CAMK2D: variants seen among roughly 807,000 people sequenced by gnomAD.
CAMK2D encodes the protein calcium/calmodulin-dependent protein kinase type II subunit delta.
A neutral mutation model predicts 84.0 loss-of-function variants in CAMK2D; 37 were observed. The ratio of observed to expected loss-of-function variants is 0.44; its 90% CI spans 0.34 to 0.58. The LOEUF is 0.58. CAMK2D is among the 20% of genes least tolerant of loss of function. The pLI is 0.02. For synonymous variants in CAMK2D, 202 were observed against 212.5 expected, an observed-to-expected ratio of 0.95 and a Z score of 0.43; for missense variants, 448 against 652.5, an observed-to-expected ratio of 0.69 and a Z score of 3.41.
At chr4:113,695,275 T>G (rs2099399319) in intron 2 of CAMK2D, among the ~76,000 whole-genome samples, 1 of 148,390 alleles carries the variant, frequency 6.7e-6, no homozygotes, top group Non-Finnish European at 1.5e-5. Flanking sequence ...CAGAAGAAAT[T>G]TTGAAATAAT....
At chr4:113,593,299 TAGA>T (rs1182543003) in intron 4 of CAMK2D, among the ~76,000 whole-genome samples, 1 of 152,296 alleles carries the variant, frequency 6.6e-6, no homozygotes, top group East Asian at 1.9e-4. Context: ...AGATCTGCCA[TAGA>T]AGTGAGTTTA....
In CAMK2D at chr4:113,508,126, G is replaced by A. The variant is rs568986199; in HGVS notation, c.984+1512C>T. On this transcript the variant is annotated intron_variant, in intron 13 of 20. Transcript: ENST00000511664. ...TTTGATAGTTGACTAACACTGACCTGTAATGGTCCTACACCCTCTCCACTT... is the reference window on the plus strand; with the variant it reads ...TTTGATAGTTGACTAACACTGACCTATAATGGTCCTACACCCTCTCCACTT... 6.0e-4 allele frequency: 449 copies of A among 753,440 alleles called. 2 individuals carry two copies. The South Asian group carries it at 6.1e-3, about 10-fold the overall frequency. The allele number at this position is 753,440 out of a possible 1,614,324, so 46.7% of individuals were successfully genotyped here.
At chr4:113,627,355 A>C (rs774143037) in intron 3 of CAMK2D, among the ~76,000 whole-genome samples, 7 of 152,158 alleles carry the variant, frequency 4.6e-5, no homozygotes, top group Non-Finnish European at 7.3e-5. Flanking sequence ...ATGTTCTATA[A>C]AATCATCATG....
chr4:113,522,566 G>C (rs1406889401), intron 8 of CAMK2D, among the ~76,000 whole-genome samples: 5 of 152,186 alleles, frequency 3.3e-5, no homozygotes, highest in African/African-American at 1.2e-4. Flanking sequence ...TGTAGTAGGA[G>C]TGGCAAACTG....
intron 16 of CAMK2D, among the ~76,000 whole-genome samples, chr4:113,496,615 AT>A (rs1315638753): frequency 1.3e-5 from 2 of 151,742 alleles, no homozygotes; most frequent in Non-Finnish European, 2.9e-5. Context: ...TGCCCAGCTA[AT>A]TTTTGTATTT....
At chr4:113,468,161 G>A (rs1475374667) in intron 16 of CAMK2D, among the ~76,000 whole-genome samples, 4 of 152,028 alleles carry the variant, frequency 2.6e-5, no homozygotes, top group South Asian at 2.1e-4. Flanking sequence ...TAGAATCATC[G>A]GGTGTATATG....
At chr4:113,544,355 T>C (rs1453217438) in intron 6 of CAMK2D, among the ~76,000 whole-genome samples, 1 of 152,248 alleles carries the variant, frequency 6.6e-6, no homozygotes, top group African/African-American at 2.4e-5. Flanking sequence ...TGGATGTTGC[T>C]AGCAAAATTA....
At chr4:113,612,518 T>C (rs951160577) in intron 3 of CAMK2D, among the ~76,000 whole-genome samples, 1 of 152,214 alleles carries the variant, frequency 6.6e-6, no homozygotes, top group Admixed American at 6.6e-5. Context: ...TTTTGAAGCA[T>C]ACTGCACCTC....
rs2098500639 is a variant in CAMK2D at position 113,537,365 on chromosome 4, G to C, written c.493C>G (p.Gln165Glu). ...LADFGLAIEV[Q>E]GDQQAWFGFA... ...CCAAACCACGCCTGCTGGTCCCCTT[G>C]AACTTCTATGGCTAAGCCAAAGTCT... The change falls in exon 7 of 21, where the codon CAA becomes GAA. Residue 165 changes from glutamine to glutamate, a missense_variant. Gln to Glu is a conservative substitution (Grantham distance 29). Coordinates refer to ENST00000511664, the MANE Select transcript of CAMK2D (RefSeq NM_001321571.2). 6.2e-7 allele frequency: 1 copy of C among 1,610,904 alleles called. No individual in the cohort carries two copies. The highest frequency in any genetic ancestry group is 1.1e-5 in the South Asian group (1 of 90,990).
intron 2 of CAMK2D, among the ~76,000 whole-genome samples, chr4:113,694,110 G>A (rs1593141517): frequency 6.6e-6 from 1 of 152,120 alleles, no homozygotes; most frequent in East Asian, 1.9e-4. Flanking sequence ...TTTATCTAGG[G>A]GTAGGCGGAT....
At chr4:113,645,010 T>TTTTTTG (rs748944936) in intron 3 of CAMK2D, among the ~76,000 whole-genome samples, 2 of 152,080 alleles carry the variant, frequency 1.3e-5, no homozygotes, top group African/African-American at 2.4e-5. Flanking sequence ...GTTGTTGTTG[T>TTTTTTG]TTTTTGTTTT....
At chr4:113,691,524 G>A (rs1173520599) in intron 2 of CAMK2D, among the ~76,000 whole-genome samples, 1 of 152,116 alleles carries the variant, frequency 6.6e-6, no homozygotes, top group Non-Finnish European at 1.5e-5. Flanking sequence ...AGGCCAAGGT[G>A]GGCGGATCAC....
Position 113,603,923 on chromosome 4 carries a change from C to T in CAMK2D, c.275+5229G>A, listed in dbSNP as rs567195226. Among the ~76,000 whole-genome samples the T allele has an allele frequency of 1.6e-3, 235 of 149,280 alleles. 1 individual carries two copies. Among genetic ancestry groups the T allele is most frequent in the African/African-American group, 5.4e-3 (221 of 40,572 alleles). On this transcript the variant is annotated intron_variant, in intron 4 of 20. Transcript: ENST00000511664. ...CAGCCTGGGCAACATAGCAAGACCC[C>T]ATCTCTATAATAAAATAAAATTTAA... is the stretch of plus-strand genomic sequence containing the variant.
intron 4 of CAMK2D, among the ~76,000 whole-genome samples, chr4:113,600,186 T>C (rs1175643419): frequency 6.6e-6 from 1 of 152,178 alleles, no homozygotes; most frequent in Non-Finnish European, 1.5e-5. Flanking sequence ...AATGCAACTA[T>C]TCTGTATGAT....
intron 17 of CAMK2D, among the ~76,000 whole-genome samples, chr4:113,462,866 T>A (rs1306222965): frequency 6.6e-6 from 1 of 152,080 alleles, no homozygotes; most frequent in African/African-American, 2.4e-5. Flanking sequence ...AAAGATTTTT[T>A]AAAAAAGAGA....
intron 16 of CAMK2D, among the ~76,000 whole-genome samples, chr4:113,477,132 T>C (rs955893607): frequency 1.3e-5 from 2 of 152,174 alleles, no homozygotes; most frequent in African/African-American, 4.8e-5. Flanking sequence ...TGGCCTTATC[T>C]GTACAGCAGA....
intron 16 of CAMK2D, among the ~76,000 whole-genome samples, chr4:113,469,669 T>C (rs1431666040): frequency 1.3e-5 from 2 of 152,162 alleles, no homozygotes; most frequent in Non-Finnish European, 2.9e-5. Flanking sequence ...AAACCCAACA[T>C]ATACTGAACT....
At chr4:113,570,344 T>A (rs892432270) in intron 4 of CAMK2D, among the ~76,000 whole-genome samples, 1 of 152,096 alleles carries the variant, frequency 6.6e-6, no homozygotes, top group South Asian at 2.1e-4. Context: ...GCTAGAGCAA[T>A]CTTGAGCAAA....
rs899875304 is a variant in CAMK2D, at chr4:113,478,677, A to C, written c.1136-13073T>G. On this transcript the variant is annotated intron_variant, in intron 16 of 20. Transcript: ENST00000511664. ...TTCTTTACTGTTTAGTAATATGTTT[A>C]CATTTTTGTGTAGCTTAACTTTGTG... Among the ~76,000 whole-genome samples the C allele has an allele frequency of 4.6e-5, 7 of 152,146 alleles. No individual in the cohort carries two copies. The East Asian group carries it at 1.3e-3, about 29-fold the overall frequency.
Sources: allele counts gnomAD v4.1 joint callset (sites outside exome capture counted in the v4.1 genomes callset), GRCh38; gene constraint gnomAD v4.1.1; transcripts MANE v1.5; gene names NCBI Gene and HGNC (gene_info 2026-07-23, HGNC 2026-07-21).